The following IL10RA variants were observed in gnomAD, a reference collection of about 807,000 sequenced individuals.
The protein encoded by IL10RA is interleukin-10 receptor subunit alpha.
Under a neutral mutation model 29.6 loss-of-function variants are expected in IL10RA, and 18 were observed. That is an observed-to-expected ratio of 0.61 (90% CI 0.42 to 0.90). The LOEUF (loss-of-function observed/expected upper bound fraction) is 0.90, where lower values mean the gene tolerates loss of function less well. Among genes scored for constraint, IL10RA ranks in the 40% least tolerant of loss-of-function variants. The pLI, the probability that IL10RA is intolerant of heterozygous loss-of-function variation, is 0.00. For synonymous variants in IL10RA, 292 were observed against 294.1 expected (o/e 0.99, Z 0.07); for missense variants, 634 against 716.6 (o/e 0.88, Z 1.32).
intron 1 of IL10RA, 45 bp downstream of exon 1, chr11:117,986,579 G>A (rs757071429): frequency 1.3e-6 from 2 of 1,548,514 alleles, no homozygotes; most frequent in South Asian, 1.2e-5. Context: ...CCCTCTCCGC[G>A]CCCGCTCCAT....
intron 2 of IL10RA, 109 bp downstream of exon 2, chr11:117,988,611 G>A: frequency 7.8e-7 from 1 of 1,288,906 alleles, no homozygotes; most frequent in Non-Finnish European, 1.1e-6. Context: ...AGTGCCTGAG[G>A]GCCCCTAACA....
chr11:117,994,921 G>C (rs1300018276), intron 5 of IL10RA: 2 of 158,802 alleles, frequency 1.3e-5, no homozygotes, highest in Non-Finnish European at 2.8e-5. Flanking sequence ...TCTCAATGCA[G>C]AGGAAGGCAC....
At position 117,989,550 on chromosome 11, in the gene IL10RA, A is replaced by C. The variant is rs755534749; in HGVS notation, c.297A>C (p.Arg99Ser). Residue 99 changes from arginine to serine, a missense_variant, in exon 3 of 7, where the codon AGA becomes AGC. Physicochemically the swap from Arg to Ser is moderately radical, Grantham distance 110. Transcript: ENST00000227752. This position sits in a 1 kb window ranked among gnomAD's most constrained non-coding sequence, Gnocchi z 4.5. ...DLYHSNGYRARVRAVDGSRHS... is the reference protein window; with the variant it reads ...DLYHSNGYRASVRAVDGSRHS... ...ACCACAGCAATGGCTACCGGGCCAG[A>C]GTGCGGGCTGTGGACGGCAGCCGGC... 4 of 1,614,174 alleles carry C rather than the reference A, an allele frequency of 2.5e-6. No individual in the cohort carries two copies. The highest frequency in any genetic ancestry group is 3.4e-6 in the Non-Finnish European group (4 of 1,180,028).
At position 117,998,054 on chromosome 11, in the gene IL10RA, C is replaced by T. The variant is rs574649387; in HGVS notation, c.811-661C>T. On this transcript the variant is annotated intron_variant, in intron 6 of 6. Coordinates refer to ENST00000227752, the MANE Select transcript of IL10RA (RefSeq NM_001558.4). ...TATGTGGCTTCCTTGAAACCCTTGGCAATTAACAGAGAGCAGCCCCTTCAC... is the reference window on the plus strand; with the variant it reads ...TATGTGGCTTCCTTGAAACCCTTGGTAATTAACAGAGAGCAGCCCCTTCAC... 3.9e-5 allele frequency among the ~76,000 whole-genome samples: 6 copies of T among 152,300 alleles called. No individual in the cohort carries two copies. The South Asian group carries it at 8.3e-4, about 21-fold the overall frequency.
In IL10RA at chr11:117,998,814, G is replaced by C; in HGVS notation, c.910G>C (p.Val304Leu). 1 of 1,614,132 alleles carries C rather than the reference G, an allele frequency of 6.2e-7. No homozygotes were observed. Among genetic ancestry groups the C allele is most frequent in the Non-Finnish European group, 8.5e-7 (1 of 1,180,002 alleles). Reference protein sequence around the residue: ...HPLDEEAFLKVSPELKNLDLH... With the variant: ...HPLDEEAFLKLSPELKNLDLH... ...GCTTGATGAGGAGGCCTTTTTGAAG[G>C]TGTCCCCAGAGCTGAAGAACTTGGA... Residue 304 changes from valine (V) to leucine (L), a missense_variant, in exon 7 of 7, where the codon GTG (valine) becomes CTG (leucine). Val to Leu is a conservative substitution (Grantham distance 32). Coordinates refer to ENST00000227752, the MANE Select transcript of IL10RA (RefSeq NM_001558.4).
chr11:117,995,151 T>G, intron 5 of IL10RA: 2 of 257,206 alleles, frequency 7.8e-6, no homozygotes, highest in South Asian at 4.7e-5. Flanking sequence ...TATTGGTACA[T>G]GGTCAGTGCT....
At position 118,000,226 on chromosome 11, in the gene IL10RA, T is replaced by C; in HGVS notation, c.*585T>C. 2.2e-6 allele frequency: 1 copy of C among 454,192 alleles called. No homozygotes were observed. Among genetic ancestry groups the C allele is most frequent in the South Asian group, 1.6e-5 (1 of 64,468 alleles). The allele number at this position is 454,192 out of a possible 1,614,324, so 28.1% of individuals were successfully genotyped here. A position where few individuals can be genotyped will look rare whatever the true frequency, so the allele number is the denominator to read the frequency against. Reference sequence around the variant, plus strand: ...ACTGGAAGATCTTAAGGTATATATTTTCTGGACACTCAAACACATCATAAT... The same window carrying C: ...ACTGGAAGATCTTAAGGTATATATTCTCTGGACACTCAAACACATCATAAT... On this transcript the variant is annotated 3_prime_UTR_variant, in exon 7 of 7. Coordinates refer to ENST00000227752, the MANE Select transcript of IL10RA (RefSeq NM_001558.4).
downstream of IL10RA, chr11:118,002,319 A>G (rs1020379321): frequency 6.6e-6 from 1 of 152,232 alleles, no homozygotes; most frequent in Non-Finnish European, 1.5e-5. Flanking sequence ...GTCATCTCCA[A>G]TCTTGCCTCA....
rs541760930 is a variant in IL10RA, at chr11:117,988,266, C to A, written c.68-116C>A. Reference sequence around the variant, plus strand: ...GTGCCCACTCTGCCCCTTACGGGCTCCGCTGGCCTCGGGCGAGTCATAGCC... The same window carrying A: ...GTGCCCACTCTGCCCCTTACGGGCTACGCTGGCCTCGGGCGAGTCATAGCC... On this transcript the variant is annotated intron_variant, in intron 1 of 6. Coordinates refer to ENST00000227752, the MANE Select transcript of IL10RA (RefSeq NM_001558.4). 82 of 1,338,726 alleles carry A rather than the reference C, an allele frequency of 6.1e-5. 2 individuals are homozygous for A. Among genetic ancestry groups the A allele is most frequent in the Admixed American group, 1.3e-4 (8 of 59,424 alleles). 82.9% of individuals were successfully genotyped at this position (1,338,726 alleles called of 1,614,324 possible).
intron 6 of IL10RA, among the ~76,000 whole-genome samples, chr11:117,996,862 C>A (rs4252283): frequency 0.027 from 4,100 of 152,318 alleles, 184 homozygotes; most frequent in African/African-American, 0.094. Context: ...GGATTATAGG[C>A]ATGAGCCACC....
chr11:117,999,807 G>C lies in IL10RA; in HGVS notation c.*166G>C. 5.6e-6 allele frequency: 4 copies of C among 719,192 alleles called. No homozygotes were observed. The highest frequency in any genetic ancestry group is 9.9e-6 in the Non-Finnish European group (4 of 402,368). The allele number at this position is 719,192 out of a possible 1,614,324, so 44.6% of individuals were successfully genotyped here. ...CCCTGCAGGGCTGGTCAGGGTGTCT[G>C]GGGCAGGAGGAGGCCAACTCACTGA... On this transcript the variant is annotated 3_prime_UTR_variant, in exon 7 of 7. Coordinates refer to ENST00000227752, the MANE Select transcript of IL10RA (RefSeq NM_001558.4).
chr11:117,987,193 C>T, intron 1 of IL10RA: 1 of 283,462 alleles, frequency 3.5e-6, no homozygotes, highest in Non-Finnish European at 7.0e-6. Flanking sequence ...AGACAGAGAG[C>T]AAGGACCGAA....
chr11:117,987,204 A>G (rs2057992089), intron 1 of IL10RA: 1 of 259,834 alleles, frequency 3.8e-6, no homozygotes, highest in African/African-American at 2.2e-5. Context: ...AAGGACCGAA[A>G]CTGCTTCTTC....
chr11:117,994,034 C>G lies in IL10RA; in HGVS notation c.573C>G (p.Ser191Arg). The G allele has an allele frequency of 1.9e-6, 3 of 1,613,968 alleles. No individual in the cohort carries two copies. Among genetic ancestry groups the G allele is most frequent in the Non-Finnish European group, 2.5e-6 (3 of 1,179,814 alleles). The change falls in exon 5 of 7, where the codon AGC becomes AGG. Residue 191 changes from serine (S) to arginine (R), a missense_variant. Transcript: ENST00000227752. ...THKKVKHENF[S>R]LLTSGEVGEF... The stretch of plus-strand genomic sequence containing the variant: ...AGAAAGTAAAACATGAAAACTTCAG[C>G]CTCCTAACCTCTGGAGAAGTGGGAG...
chr11:117,991,803 C>T (rs541450867), intron 3 of IL10RA, among the ~76,000 whole-genome samples: 1 of 152,270 alleles, frequency 6.6e-6, no homozygotes, highest in East Asian at 1.9e-4. Flanking sequence ...GTCTTGATCT[C>T]ATCTCACTTC....
rs567387691 is a variant in IL10RA, at chr11:117,996,210, C to T, written c.810+500C>T. Among the ~76,000 whole-genome samples the T allele has an allele frequency of 1.5e-4, 22 of 151,716 alleles. No homozygotes were observed. The South Asian group carries it at 1.7e-3, about 11-fold the overall frequency. On this transcript the variant is annotated intron_variant, in intron 6 of 6. Transcript: ENST00000227752. ...AGGAAAGGCCAGAAGTGCTGGTCCT[C>T]GGGCTGCTGCCAGAGTGGGCCAGAG... is the stretch of plus-strand genomic sequence containing the variant.
In IL10RA at chr11:118,000,169, C is replaced by G. The variant is rs1452283078; in HGVS notation, c.*528C>G. On this transcript the variant is annotated 3_prime_UTR_variant, in exon 7 of 7. Coordinates refer to ENST00000227752, the MANE Select transcript of IL10RA (RefSeq NM_001558.4). The stretch of plus-strand genomic sequence containing the variant: ...TATGATGGTCACATGGGGAACCTCC[C>G]CTCATCGGGCCTCTGGGGCAGGAAG... 1 of 453,996 alleles carries G rather than the reference C, an allele frequency of 2.2e-6. No homozygotes were observed. 28.1% of individuals were successfully genotyped at this position (453,996 alleles called of 1,614,324 possible). A position where few individuals can be genotyped will look rare whatever the true frequency, so the allele number is the denominator to read the frequency against.
Position 117,999,619 on chromosome 11 carries a change from C to G in IL10RA, c.1715C>G (p.Ser572Cys), listed in dbSNP as rs758712635. 19 of 1,614,120 alleles carry G rather than the reference C, an allele frequency of 1.2e-5. No homozygotes were observed. The highest frequency in any genetic ancestry group is 5.5e-5 in the South Asian group (5 of 91,084). ...NSDLVTLPLI[S>C]SLQSSE ...GACCTGGTCACCCTGCCCCTCATCT[C>G]TAGCCTGCAGTCAAGTGAGTGACTC... The change falls in exon 7 of 7, where the codon TCT (serine) becomes TGT (cysteine). Residue 572 changes from serine to cysteine, a missense_variant. Coordinates refer to ENST00000227752, the MANE Select transcript of IL10RA (RefSeq NM_001558.4).
At chr11:117,986,661 A>G in intron 1 of IL10RA, 127 bp downstream of exon 1, 1 of 1,536,720 alleles carries the variant, frequency 6.5e-7, no homozygotes, top group Non-Finnish European at 8.7e-7. Context: ...GTGCTCCCTT[A>G]CTCTGGCAAA....
Sources: allele counts gnomAD v4.1 joint callset (sites outside exome capture counted in the v4.1 genomes callset), GRCh38; gene constraint gnomAD v4.1.1; non-coding constraint Gnocchi (gnomAD v3.1); transcripts MANE v1.5; gene names NCBI Gene and HGNC (gene_info 2026-07-23, HGNC 2026-07-21).